The following STXBP5L variants were observed in gnomAD, a reference collection of about 807,000 sequenced individuals.
STXBP5L encodes the protein syntaxin-binding protein 5-like.
In STXBP5L, 65 loss-of-function variants were observed where a neutral mutation model predicts 144.5. That is an observed-to-expected ratio of 0.45 (90% CI 0.37 to 0.55). The LOEUF (loss-of-function observed/expected upper bound fraction) is 0.55, where lower values mean the gene tolerates loss of function less well. Among genes scored for constraint, STXBP5L ranks in the 20% least tolerant of loss-of-function variants. The pLI, the probability that STXBP5L is intolerant of heterozygous loss-of-function variation, is 0.00. For synonymous variants in STXBP5L, 505 were observed against 469.6 expected (o/e 1.08, Z -0.97); for missense variants, 1,298 against 1,405.5 (o/e 0.92, Z 1.22).
At chr3:121,388,212 G>A (rs187846589) in intron 22 of STXBP5L, among the ~76,000 whole-genome samples, 2 of 152,266 alleles carry the variant, frequency 1.3e-5, no homozygotes, top group African/African-American at 4.8e-5. Context: ...TGTTATTGCT[G>A]TATAGGAATG....
intron 10 of STXBP5L, among the ~76,000 whole-genome samples, chr3:121,215,443 A>T (rs947918912): frequency 2.0e-5 from 3 of 152,130 alleles, no homozygotes; most frequent in African/African-American, 7.2e-5. Context: ...AAAGGATTTT[A>T]TTTCCCCTTC....
At chr3:121,132,612 AATG>A (rs1295424951) in intron 7 of STXBP5L, among the ~76,000 whole-genome samples, 4 of 152,310 alleles carry the variant, frequency 2.6e-5, no homozygotes, top group South Asian at 4.1e-4. Context: ...AGTCAAGGAA[AATG>A]AAGAATCAGA....
intron 2 of STXBP5L, among the ~76,000 whole-genome samples, chr3:120,921,439 T>C (rs1258156973): frequency 6.6e-6 from 1 of 152,056 alleles, no homozygotes; most frequent in Admixed American, 6.5e-5. Flanking sequence ...CTCTTTACCT[T>C]GTTGATGGTT....
At chr3:121,374,287 A>G (rs773047240) in intron 20 of STXBP5L, among the ~76,000 whole-genome samples, 3 of 152,230 alleles carry the variant, frequency 2.0e-5, no homozygotes, top group Non-Finnish European at 4.4e-5. Context: ...CTTACATTAT[A>G]GATACATCAA....
At chr3:121,060,729 A>G (rs909436243) in intron 5 of STXBP5L, among the ~76,000 whole-genome samples, 2 of 152,178 alleles carry the variant, frequency 1.3e-5, no homozygotes, top group Admixed American at 1.3e-4. Flanking sequence ...GAATTTATCC[A>G]TTTCTTCCAG....
chr3:121,363,797 G>A (rs562953933), intron 20 of STXBP5L, among the ~76,000 whole-genome samples: 2 of 151,974 alleles, frequency 1.3e-5, no homozygotes, highest in East Asian at 3.9e-4. Context: ...GTCCTTGCTG[G>A]GGTCAAGGGG....
In STXBP5L at chr3:120,921,998, A is replaced by C. The variant is rs558467545; in HGVS notation, c.189+12231A>C. Among the ~76,000 whole-genome samples, 3 of 151,894 alleles carry C rather than the reference A, an allele frequency of 2.0e-5. No individual in the cohort carries two copies. The South Asian group carries it at 6.2e-4, about 32-fold the overall frequency. On this transcript the variant is annotated intron_variant, in intron 2 of 26. Transcript: ENST00000471454. ...TAGGATTTTTTTTTGTGTTTCTGTG[A>C]AGAAACATTGGTATTTTGATAGAGA...
intron 5 of STXBP5L, among the ~76,000 whole-genome samples, chr3:121,098,424 C>A (rs1266920902): frequency 6.6e-6 from 1 of 152,124 alleles, no homozygotes; most frequent in Non-Finnish European, 1.5e-5. Context: ...GGTAAGAACT[C>A]CCTCATTATC....
chr3:120,955,375 A>G (rs572829009), intron 3 of STXBP5L, among the ~76,000 whole-genome samples: 1 of 152,050 alleles, frequency 6.6e-6, no homozygotes, highest in East Asian at 1.9e-4. Flanking sequence ...GTGTTTCTAT[A>G]TTCGATTTCA....
intron 20 of STXBP5L, among the ~76,000 whole-genome samples, chr3:121,372,040 T>A (rs1276777051): frequency 6.6e-6 from 1 of 152,152 alleles, no homozygotes; most frequent in Non-Finnish European, 1.5e-5. Flanking sequence ...TGGCTACGGG[T>A]GAGTGCCTGT....
chr3:121,218,471 A>T (rs1249713256), intron 10 of STXBP5L, among the ~76,000 whole-genome samples: 2 of 150,852 alleles, frequency 1.3e-5, no homozygotes, highest in Non-Finnish European at 2.9e-5. Context: ...CTTGCTTTTG[A>T]ATTTGTTATA....
rs576233787 is a variant in STXBP5L at position 120,975,876 on chromosome 3, G to C, written c.287+20839G>C. Among the ~76,000 whole-genome samples, 152 of 152,224 alleles carry C rather than the reference G, an allele frequency of 1.0e-3. 1 individual carries two copies. Among genetic ancestry groups the C allele is most frequent in the African/African-American group, 3.2e-3 (131 of 41,554 alleles). On this transcript the variant is annotated intron_variant, in intron 3 of 26. Transcript: ENST00000471454. Reference sequence around the variant, plus strand: ...GATTTGTGTATATTGAACCAGCCTTGCATCCCAGGGATGAAGCCCACTTGA... The same window carrying C: ...GATTTGTGTATATTGAACCAGCCTTCCATCCCAGGGATGAAGCCCACTTGA...
intron 5 of STXBP5L, among the ~76,000 whole-genome samples, chr3:121,069,082 C>G (rs1442939577): frequency 6.6e-6 from 1 of 152,080 alleles, no homozygotes; most frequent in East Asian, 1.9e-4. Context: ...CCACTATAAT[C>G]AAGACACAAA....
chr3:120,987,047 G>A (rs1188562323), intron 3 of STXBP5L, among the ~76,000 whole-genome samples: 4 of 152,078 alleles, frequency 2.6e-5, no homozygotes, highest in African/African-American at 9.6e-5. Context: ...AAAGCTTTCC[G>A]AATTTGATGA....
chr3:121,243,154 C>T (rs777159338), intron 14 of STXBP5L, among the ~76,000 whole-genome samples: 7 of 152,116 alleles, frequency 4.6e-5, no homozygotes, highest in Non-Finnish European at 7.3e-5. Flanking sequence ...TATGTTATAG[C>T]GGCTGCTCAA....
chr3:121,127,694 C>T (rs1347540453), intron 7 of STXBP5L, among the ~76,000 whole-genome samples: 1 of 151,874 alleles, frequency 6.6e-6, no homozygotes, highest in Non-Finnish European at 1.5e-5. Context: ...AATAAAGTCA[C>T]ATTCTGAGGT....
chr3:121,381,329 C>A lies in STXBP5L; in HGVS notation c.2384C>A (p.Ser795Tyr). Residue 795 changes from serine (S) to tyrosine (Y), a missense_variant, in exon 22 of 27, where the codon TCT becomes TAT. Coordinates refer to ENST00000471454, the MANE Select transcript of STXBP5L (RefSeq NM_001308330.2). ...AATTCCTATAATCGTTCTAGAAGCT[C>A]TAGTATCTCCAGTATTGACAAAGAT... Reference protein sequence around the residue: ...RENSYNRSRSSSISSIDKDSK... With the variant: ...RENSYNRSRSYSISSIDKDSK... 6.3e-7 allele frequency: 1 copy of A among 1,592,754 alleles called. No homozygotes were observed. Among genetic ancestry groups the A allele is most frequent in the Non-Finnish European group, 8.5e-7 (1 of 1,174,430 alleles).
At chr3:121,261,558 A>G (rs2050382270) in intron 18 of STXBP5L, among the ~76,000 whole-genome samples, 1 of 152,196 alleles carries the variant, frequency 6.6e-6, no homozygotes, top group Admixed American at 6.5e-5. Flanking sequence ...AAAAAAGATA[A>G]CATATCATAA....
intron 14 of STXBP5L, among the ~76,000 whole-genome samples, chr3:121,245,952 C>T (rs972613009): frequency 5.3e-5 from 8 of 152,144 alleles, no homozygotes; most frequent in African/African-American, 1.9e-4. Context: ...AACAGACATA[C>T]AAAACACTAT....
Sources: gnomAD v4.1 joint callset for allele counts (sites outside exome capture counted in the v4.1 genomes callset) on GRCh38, gnomAD v4.1.1 for gene constraint, MANE v1.5 for transcripts, NCBI Gene and HGNC (gene_info 2026-07-23, HGNC 2026-07-21) for gene names.